Variants in KDM2B observed in about 807,000 individuals in gnomAD.
The protein encoded by KDM2B is lysine-specific demethylase 2B.
Under a neutral mutation model 150.0 loss-of-function variants are expected in KDM2B, and 26 were observed. That is an observed-to-expected ratio of 0.17 (90% CI 0.13 to 0.24). The LOEUF (loss-of-function observed/expected upper bound fraction) is 0.24. Ranked by LOEUF, KDM2B falls within the 10% of genes least tolerant of loss-of-function variation. KDM2B has a pLI of 1.00. For synonymous variants in KDM2B, 734 were observed against 729.5 expected (o/e 1.01, Z -0.10); for missense variants, 1,265 against 1,816.9 (o/e 0.70, Z 5.52).
At chr12:121,559,071 A>G (rs1289062211) in intron 4 of KDM2B, among the ~76,000 whole-genome samples, 2 of 152,174 alleles carry the variant, frequency 1.3e-5, no homozygotes, top group African/African-American at 4.8e-5. Context: ...ACTACACCTC[A>G]GCCTGCTCCG....
chr12:121,444,877 C>T, intron 14 of KDM2B: 2 of 445,694 alleles, frequency 4.5e-6, no homozygotes, highest in Non-Finnish European at 4.2e-6. Context: ...GCCTGGCATG[C>T]AGAAAGGACT....
chr12:121,467,150 C>T lies in KDM2B; in HGVS notation c.1735-13806G>A. ...GTCCCTCCCTCAGCCCCACCCCGGG[C>T]CGCCGACCTGGTCCGGCTCCGATTC... is the stretch of plus-strand genomic sequence containing the variant. On this transcript the variant is annotated intron_variant, in intron 12 of 22. Coordinates refer to ENST00000377071, the MANE Select transcript of KDM2B (RefSeq NM_032590.5). This position sits in a 1 kb window ranked among gnomAD's most constrained non-coding sequence, Gnocchi z 5.1. 8.9e-7 allele frequency: 1 copy of T among 1,121,016 alleles called. No homozygotes were observed. Among genetic ancestry groups the T allele is most frequent in the South Asian group, 1.8e-5 (1 of 56,970 alleles). 69.4% of individuals were successfully genotyped at this position (1,121,016 alleles called of 1,614,324 possible).
intron 4 of KDM2B, among the ~76,000 whole-genome samples, chr12:121,556,113 G>A (rs1889875749): frequency 1.3e-5 from 2 of 151,932 alleles, no homozygotes; most frequent in South Asian, 4.2e-4. Context: ...TTTTAGTAGA[G>A]ATGGGGTTTC....
chr12:121,495,644 G>A (rs1566337666), intron 11 of KDM2B, among the ~76,000 whole-genome samples: 4 of 152,100 alleles, frequency 2.6e-5, no homozygotes, highest in African/African-American at 9.7e-5. Context: ...GTGGCACTAC[G>A]GATCCTCTAA....
intron 8 of KDM2B, chr12:121,524,567 G>A (rs1054152987): frequency 1.5e-4 from 32 of 211,846 alleles, no homozygotes; most frequent in African/African-American, 4.7e-5. Flanking sequence ...TGGATTAGCC[G>A]CCACTGCGTC....
intron 6 of KDM2B, among the ~76,000 whole-genome samples, chr12:121,546,379 C>CTTTTTTTTTTTTTTTTTTTTTTTTTT (rs371614406): frequency 2.1e-5 from 2 of 97,476 alleles, no homozygotes; most frequent in African/African-American, 4.2e-5. Flanking sequence ...TTTTTTTTGC[C>CTTTTTTTTTTTTTTTTTTTTTTTTTT]TTTTTTTTTT....
intron 12 of KDM2B, among the ~76,000 whole-genome samples, chr12:121,485,848 C>T (rs1882696722): frequency 6.6e-6 from 1 of 151,446 alleles, no homozygotes; most frequent in Non-Finnish European, 1.5e-5. Context: ...GTGATCTCGG[C>T]TCATTGCAAC....
the KDM2B span, among the ~76,000 whole-genome samples, chr12:121,422,658 C>T: frequency 2.0e-5 from 3 of 152,240 alleles, no homozygotes; most frequent in African/African-American, 7.2e-5. Context: ...TCCCTTTGAT[C>T]TCCTCTGACC....
rs545898176 is a variant in KDM2B, at chr12:121,430,132, C to T, written c.*156G>A. 11 of 1,613,862 alleles carry T rather than the reference C, an allele frequency of 6.8e-6. No homozygotes were observed. The highest frequency in any genetic ancestry group is 4.0e-5 in the African/African-American group (3 of 75,024). Reference sequence around the variant, plus strand: ...AGTGTCGGCTCACTCATCCCCCAAACGGGTGGTTGAACAGCTTCTCCCTTG... The same window carrying T: ...AGTGTCGGCTCACTCATCCCCCAAATGGGTGGTTGAACAGCTTCTCCCTTG... On this transcript the variant is annotated 3_prime_UTR_variant, in exon 23 of 23. Transcript: ENST00000377071. The surrounding 1 kb of genome is among the most constrained non-coding windows in gnomAD (Gnocchi z 4.4).
chr12:121,448,283 G>A (rs1213195569), intron 13 of KDM2B, among the ~76,000 whole-genome samples: 3 of 122,714 alleles, frequency 2.4e-5, no homozygotes, highest in Non-Finnish European at 4.7e-5. Flanking sequence ...GCACACCACT[G>A]CACTCCAGCC....
chr12:121,542,933 T>C (rs1888717911), intron 6 of KDM2B, among the ~76,000 whole-genome samples: 1 of 152,242 alleles, frequency 6.6e-6, no homozygotes, highest in Non-Finnish European at 1.5e-5. Flanking sequence ...AATCATGTCT[T>C]GCACATAAGA....
intron 10 of KDM2B, among the ~76,000 whole-genome samples, chr12:121,511,095 C>T (rs1885543015): frequency 6.6e-6 from 1 of 151,624 alleles, no homozygotes; most frequent in Non-Finnish European, 1.5e-5. Flanking sequence ...ACTGCAACCT[C>T]CATCTCCTGG....
At chr12:121,423,936 A>C in the KDM2B span, 3 of 189,084 alleles carry the variant, frequency 1.6e-5, no homozygotes, top group Non-Finnish European at 3.3e-5. The surrounding 1 kb of genome is among the most constrained non-coding windows in gnomAD (Gnocchi z 4.3). Context: ...AACTGCTCAG[A>C]TGTTTGAAAC....
At chr12:121,546,710 CT>C (rs782586889) in intron 6 of KDM2B, among the ~76,000 whole-genome samples, 261 of 127,582 alleles carry the variant, frequency 2.0e-3, no homozygotes, top group Admixed American at 3.2e-3. Context: ...GCCTCTTTGT[CT>C]TTTTTTTTTT....
intron 22 of KDM2B, among the ~76,000 whole-genome samples, chr12:121,432,430 T>C (rs1873212278): frequency 6.6e-6 from 1 of 152,186 alleles, no homozygotes; most frequent in Non-Finnish European, 1.5e-5. Flanking sequence ...TTTTTCATTA[T>C]TTACTATGAC....
intron 6 of KDM2B, among the ~76,000 whole-genome samples, chr12:121,539,593 T>A (rs1888440324): frequency 6.6e-6 from 1 of 151,970 alleles, no homozygotes; most frequent in African/African-American, 2.4e-5. Flanking sequence ...AGAGTCCCAC[T>A]AATCAGGGGC....
chr12:121,553,903 T>A (rs1889699512), intron 4 of KDM2B, among the ~76,000 whole-genome samples: 1 of 152,078 alleles, frequency 6.6e-6, no homozygotes, highest in South Asian at 2.1e-4. Flanking sequence ...TGAAAACAAG[T>A]GAATTGTGGC....
chr12:121,423,339 A>G, the KDM2B span: 2 of 1,483,568 alleles, frequency 1.3e-6, no homozygotes, highest in Middle Eastern at 2.2e-4. This position sits in a 1 kb window ranked among gnomAD's most constrained non-coding sequence, Gnocchi z 4.3. Context: ...TGGCTGGCTG[A>G]CTGGCCATGC....
At position 121,515,633 on chromosome 12, in the gene KDM2B, TGC is replaced by T. The variant is rs1317248384; in HGVS notation, c.1048-2233_1048-2232del. On this transcript the variant is annotated intron_variant, in intron 9 of 22. Coordinates refer to ENST00000377071, the MANE Select transcript of KDM2B (RefSeq NM_032590.5). Reference sequence around the variant, plus strand: ...TAGAAGCAGACCTCCGTTCTCCTTTTGCCCTAAAATGCTATTTTGCTGCATTT... The same window carrying T: ...TAGAAGCAGACCTCCGTTCTCCTTTTCCTAAAATGCTATTTTGCTGCATTT... Among the ~76,000 whole-genome samples the T allele has an allele frequency of 4.0e-5, 6 of 150,794 alleles. No homozygotes were observed. In the East Asian group the frequency reaches 1.2e-3, roughly 30 times the overall value.
Sources: allele counts gnomAD v4.1 joint callset (sites outside exome capture counted in the v4.1 genomes callset), GRCh38; gene constraint gnomAD v4.1.1; non-coding constraint Gnocchi (gnomAD v3.1); transcripts MANE v1.5; gene names NCBI Gene and HGNC (gene_info 2026-07-23, HGNC 2026-07-21).